The following KIRREL3 variants were observed in gnomAD, a reference collection of about 807,000 sequenced individuals.
KIRREL3 encodes the protein kirre like nephrin family adhesion molecule 3.
KIRREL3 carries 36 observed loss-of-function variants against 89.7 expected under a neutral mutation model. The ratio of observed to expected loss-of-function variants is 0.40; its 90% CI spans 0.31 to 0.53. The LOEUF (loss-of-function observed/expected upper bound fraction) is 0.53. KIRREL3 is among the 20% of genes least tolerant of loss of function. The pLI is 0.49. For missense variants in KIRREL3, 864 were observed against 1,056.6 expected (o/e 0.82, Z 2.53); for synonymous variants, 445 against 441.4 (o/e 1.01, Z -0.10).
chr11:126,847,667 T>C (rs879525388), intron 1 of KIRREL3, among the ~76,000 whole-genome samples: 12 of 152,168 alleles, frequency 7.9e-5, no homozygotes, highest in Non-Finnish European at 1.2e-4. Context: ...AAGTAATCTT[T>C]TTTAACTTTT....
At chr11:126,681,482 G>A (rs969986266) in intron 1 of KIRREL3, among the ~76,000 whole-genome samples, 1 of 152,152 alleles carries the variant, frequency 6.6e-6, no homozygotes, top group Non-Finnish European at 1.5e-5. Flanking sequence ...CATGAGGGAG[G>A]CAGTTTATGG....
chr11:126,585,026 C>G (rs1208268583), intron 1 of KIRREL3, among the ~76,000 whole-genome samples: 1 of 151,716 alleles, frequency 6.6e-6, no homozygotes, highest in Non-Finnish European at 1.5e-5. Flanking sequence ...TTACGCCATT[C>G]TCCTGCCTCA....
chr11:126,768,799 G>T lies in KIRREL3; in HGVS notation c.56-205887C>A, dbSNP rs1949927022. On this transcript the variant is annotated intron_variant, in intron 1 of 16. Coordinates refer to ENST00000525144, the MANE Select transcript of KIRREL3 (RefSeq NM_032531.4). This position sits in a 1 kb window ranked among gnomAD's most constrained non-coding sequence, Gnocchi z 4.5. ...CACTGTGGCTAAGCTTGATGGTCCT[G>T]GGGAAAGGAGGTATGGCAGGATGTC... Among the ~76,000 whole-genome samples, 1 of 152,168 alleles carries T rather than the reference G, an allele frequency of 6.6e-6. No homozygotes were observed. Among genetic ancestry groups the T allele is most frequent in the Non-Finnish European group, 1.5e-5 (1 of 68,036 alleles).
chr11:126,603,768 A>T (rs1942765310), intron 1 of KIRREL3, among the ~76,000 whole-genome samples: 1 of 152,204 alleles, frequency 6.6e-6, no homozygotes, highest in African/African-American at 2.4e-5. Context: ...TGGCCCTGGG[A>T]TGCTGGTAGC....
Position 126,484,719 on chromosome 11 carries a change from T to C in KIRREL3, c.434-11253A>G, listed in dbSNP as rs75904068. On this transcript the variant is annotated intron_variant, in intron 4 of 16. Transcript: ENST00000525144. The surrounding 1 kb of genome is among the most constrained non-coding windows in gnomAD (Gnocchi z 5.2). Reference sequence around the variant, plus strand: ...AGATGTGTTAATTACATATATGTGATTTAATTAATGTAGGTGTGCTTTCCC... The same window carrying C: ...AGATGTGTTAATTACATATATGTGACTTAATTAATGTAGGTGTGCTTTCCC... 0.024 allele frequency among the ~76,000 whole-genome samples: 3,611 copies of C among 152,332 alleles called. 134 individuals carry two copies. Among genetic ancestry groups the C allele is most frequent in the African/African-American group, 0.078 (3,224 of 41,570 alleles).
intron 1 of KIRREL3, among the ~76,000 whole-genome samples, chr11:126,688,083 G>T (rs1347722533): frequency 3.3e-5 from 5 of 152,204 alleles, no homozygotes; most frequent in African/African-American, 1.2e-4. Flanking sequence ...AATTCCGAGA[G>T]GCCTAAAATA....
rs1940746786 is a variant in KIRREL3 at position 126,569,198 on chromosome 11, A to G, written c.56-6286T>C. Among the ~76,000 whole-genome samples, 2 of 152,198 alleles carry G rather than the reference A, an allele frequency of 1.3e-5. No homozygotes were observed. Among genetic ancestry groups the G allele is most frequent in the Admixed American group, 1.3e-4 (2 of 15,274 alleles). On this transcript the variant is annotated intron_variant, in intron 1 of 16. Coordinates refer to ENST00000525144, the MANE Select transcript of KIRREL3 (RefSeq NM_032531.4). The surrounding 1 kb of genome is among the most constrained non-coding windows in gnomAD (Gnocchi z 6.5). ...ATCAGAGTAGGGTGATGACAAAGGA[A>G]GCCTATTAAGTCACAGGTGATAATG...
chr11:126,636,872 C>A lies in KIRREL3; in HGVS notation c.56-73960G>T, dbSNP rs1354658964. On this transcript the variant is annotated intron_variant, in intron 1 of 16. Coordinates refer to ENST00000525144, the MANE Select transcript of KIRREL3 (RefSeq NM_032531.4). This position sits in a 1 kb window ranked among gnomAD's most constrained non-coding sequence, Gnocchi z 4.4. ...CAAGGCACTTAATGCCATTGCATGC[C>A]ATTGTCACATCAATACAATGAAAGT... Among the ~76,000 whole-genome samples the A allele has an allele frequency of 6.6e-6, 1 of 152,188 alleles. No homozygotes were observed.
rs960236842 is a variant in KIRREL3 at position 126,975,039 on chromosome 11, G to C, written c.55+25416C>G. 3.3e-5 allele frequency among the ~76,000 whole-genome samples: 5 copies of C among 152,058 alleles called. 1 individual carries two copies. Among genetic ancestry groups the C allele is most frequent in the African/African-American group, 1.2e-4 (5 of 41,376 alleles). ...TTGCCTAGGCTGGTCTCGAACTCTG[G>C]AGCTCAAGCAATCTGCCTGCCTCTG... On this transcript the variant is annotated intron_variant, in intron 1 of 16. Transcript: ENST00000525144.
chr11:126,909,986 C>A lies in KIRREL3; in HGVS notation c.55+90469G>T, dbSNP rs1310355991. ...CGGGCAATTTGTTAAGGTTGCAGAGCAGCAGTTCCAGGGTTGTAAAAGATA... is the reference window on the plus strand; with the variant it reads ...CGGGCAATTTGTTAAGGTTGCAGAGAAGCAGTTCCAGGGTTGTAAAAGATA... On this transcript the variant is annotated intron_variant, in intron 1 of 16. Transcript: ENST00000525144. This position sits in a 1 kb window ranked among gnomAD's most constrained non-coding sequence, Gnocchi z 4.5. Among the ~76,000 whole-genome samples, 1 of 152,096 alleles carries A rather than the reference C, an allele frequency of 6.6e-6. No individual in the cohort carries two copies. The highest frequency in any genetic ancestry group is 1.5e-5 in the Non-Finnish European group (1 of 68,018).
Position 126,739,517 on chromosome 11 carries a change from T to C in KIRREL3, c.56-176605A>G, listed in dbSNP as rs1948910895. Among the ~76,000 whole-genome samples the C allele has an allele frequency of 6.6e-6, 1 of 152,180 alleles. No homozygotes were observed. The highest frequency in any genetic ancestry group is 2.4e-5 in the African/African-American group (1 of 41,448). Reference sequence around the variant, plus strand: ...AGCGTCATGTGCCCTACCTGGGTCTTAAGGAATGATGAGATCCAGGCAGCT... The same window carrying C: ...AGCGTCATGTGCCCTACCTGGGTCTCAAGGAATGATGAGATCCAGGCAGCT... On this transcript the variant is annotated intron_variant, in intron 1 of 16. Transcript: ENST00000525144. The surrounding 1 kb of genome is among the most constrained non-coding windows in gnomAD (Gnocchi z 5.5).
At position 126,709,885 on chromosome 11, in the gene KIRREL3, C is replaced by T. The variant is rs1947690051; in HGVS notation, c.56-146973G>A. 2.0e-5 allele frequency among the ~76,000 whole-genome samples: 3 copies of T among 152,130 alleles called. No individual in the cohort carries two copies. Among genetic ancestry groups the T allele is most frequent in the South Asian group, 2.1e-4 (1 of 4,814 alleles). ...GCTGGAGAGGCTGAGCACTGGGGCA[C>T]GAGGGTAGGTAATGATGTGAGCTAC... is the stretch of plus-strand genomic sequence containing the variant. On this transcript the variant is annotated intron_variant, in intron 1 of 16. Coordinates refer to ENST00000525144, the MANE Select transcript of KIRREL3 (RefSeq NM_032531.4). This position sits in a 1 kb window ranked among gnomAD's most constrained non-coding sequence, Gnocchi z 4.0.
Position 126,747,246 on chromosome 11 carries a change from C to A in KIRREL3, c.56-184334G>T, listed in dbSNP as rs532540100. On this transcript the variant is annotated intron_variant, in intron 1 of 16. Transcript: ENST00000525144. This position sits in a 1 kb window ranked among gnomAD's most constrained non-coding sequence, Gnocchi z 4.7. ...TCTACTCTGCCCTGACAAGTTGTAA[C>A]CCTCAGTAAATAACACAATCAGTGT... 3.3e-5 allele frequency among the ~76,000 whole-genome samples: 5 copies of A among 152,326 alleles called. No individual in the cohort carries two copies. The highest frequency in any genetic ancestry group is 1.2e-4 in the African/African-American group (5 of 41,578).
At position 126,515,955 on chromosome 11, in the gene KIRREL3, T is replaced by C. The variant is rs2134412473; in HGVS notation, c.433+5360A>G. 6.6e-6 allele frequency among the ~76,000 whole-genome samples: 1 copy of C among 152,292 alleles called. No individual in the cohort carries two copies. Among genetic ancestry groups the C allele is most frequent in the East Asian group, 1.9e-4 (1 of 5,182 alleles). On this transcript the variant is annotated intron_variant, in intron 4 of 16. Coordinates refer to ENST00000525144, the MANE Select transcript of KIRREL3 (RefSeq NM_032531.4). The surrounding 1 kb of genome is among the most constrained non-coding windows in gnomAD (Gnocchi z 4.2). ...TCCTTTGCTGGCAGACTCTGAGTTA[T>C]TCACCACTGTTCTCTGGACCCATCT...
In KIRREL3 at chr11:126,430,476, C is replaced by G. The variant is rs141612782; in HGVS notation, c.1696+943G>C. Among the ~76,000 whole-genome samples the G allele has an allele frequency of 6.6e-5, 10 of 152,028 alleles. No homozygotes were observed. The South Asian group carries it at 1.2e-3, about 19-fold the overall frequency. ...AACCGTATATATATGTGTATATATGCGTATGTGTATATATTTGTATGCTTC... is the reference window on the plus strand; with the variant it reads ...AACCGTATATATATGTGTATATATGGGTATGTGTATATATTTGTATGCTTC... On this transcript the variant is annotated intron_variant, in intron 14 of 16. Coordinates refer to ENST00000525144, the MANE Select transcript of KIRREL3 (RefSeq NM_032531.4). The surrounding 1 kb of genome is among the most constrained non-coding windows in gnomAD (Gnocchi z 6.6).
At chr11:126,899,043 G>C (rs1024053963) in intron 1 of KIRREL3, among the ~76,000 whole-genome samples, 5 of 151,616 alleles carry the variant, frequency 3.3e-5, no homozygotes, top group Non-Finnish European at 7.4e-5. Context: ...AGGTCCCTTT[G>C]ACTATAGGTA....
chr11:126,722,997 T>G (rs1384786767), intron 1 of KIRREL3, among the ~76,000 whole-genome samples: 1 of 152,226 alleles, frequency 6.6e-6, no homozygotes, highest in Non-Finnish European at 1.5e-5. Flanking sequence ...CTATCCTTTG[T>G]CTCCCACGGT....
Position 126,977,093 on chromosome 11 carries a change from ATC to A in KIRREL3, c.55+23360_55+23361del, listed in dbSNP as rs916478109. Among the ~76,000 whole-genome samples the A allele has an allele frequency of 1.2e-4, 18 of 152,250 alleles. No homozygotes were observed. The highest frequency in any genetic ancestry group is 4.1e-4 in the African/African-American group (17 of 41,552). On this transcript the variant is annotated intron_variant, in intron 1 of 16. Transcript: ENST00000525144. The surrounding 1 kb of genome is among the most constrained non-coding windows in gnomAD (Gnocchi z 4.7). Reference sequence around the variant, plus strand: ...TTCTTCCTTCTTGAAACCTAAAAAAATCTCTCTTTTCCTTTTTTCTTTTTCTG... The same window carrying A: ...TTCTTCCTTCTTGAAACCTAAAAAAATCTCTTTTCCTTTTTTCTTTTTCTG...
intron 1 of KIRREL3, among the ~76,000 whole-genome samples, chr11:126,757,739 G>GAA (rs60426762): frequency 1.5e-4 from 22 of 150,250 alleles, no homozygotes; most frequent in African/African-American, 5.4e-4. Context: ...TTAAAGGCAA[G>GAA]AAAAAAAAAG....
Sources: gnomAD v4.1 joint callset for allele counts (sites outside exome capture counted in the v4.1 genomes callset) on GRCh38, gnomAD v4.1.1 for gene constraint, Gnocchi (gnomAD v3.1) non-coding constraint, MANE v1.5 for transcripts, NCBI Gene and HGNC (gene_info 2026-07-23, HGNC 2026-07-21) for gene names.